The following TTC7A variants were observed in gnomAD, a reference collection of about 807,000 sequenced individuals.
TTC7A encodes the protein tetratricopeptide repeat domain 7A, also known as tetratricopeptide repeat protein 7A.
Under a neutral mutation model 103.7 loss-of-function variants are expected in TTC7A, and 110 were observed. The observed-to-expected ratio is 1.06, with a 90% CI of 0.91 to 1.24. The LOEUF (loss-of-function observed/expected upper bound fraction) is 1.24, where lower values mean the gene tolerates loss of function less well. TTC7A is among the 50% of genes most tolerant of loss of function. TTC7A has a pLI of 0.00. For synonymous variants in TTC7A, 521 were observed against 467.9 expected, an observed-to-expected ratio of 1.11 and a Z score of -1.47; for missense variants, 1,340 against 1,116.3, an observed-to-expected ratio of 1.20 and a Z score of -2.86.
intron 15 of TTC7A, chr2:47,035,634 G>T (rs1162712002): frequency 2.0e-5 from 3 of 152,260 alleles, no homozygotes; most frequent in Non-Finnish European, 4.4e-5. Context: ...GTCTGGGGAA[G>T]AGAGGAAAGA....
chr2:47,006,060 G>C lies in TTC7A; in HGVS notation c.1203+1G>C. 6.2e-7 allele frequency: 1 copy of C among 1,612,526 alleles called. No homozygotes were observed. Among genetic ancestry groups the C allele is most frequent in the Non-Finnish European group, 8.5e-7 (1 of 1,179,436 alleles). On this transcript the variant is annotated splice_donor_variant, in intron 9 of 19. Transcript: ENST00000319190. LOFTEE classifies it high-confidence loss of function. ...GGGACAGTACGTCATGCTCTCGGAGGTACGGCCGGCCATGCAGCCCACCCC... is the reference window on the plus strand; with the variant it reads ...GGGACAGTACGTCATGCTCTCGGAGCTACGGCCGGCCATGCAGCCCACCCC...
intron 8 of TTC7A, among the ~76,000 whole-genome samples, chr2:46,998,268 T>G (rs1233615466): frequency 1.3e-5 from 2 of 152,158 alleles, no homozygotes; most frequent in African/African-American, 4.8e-5. Flanking sequence ...GGCAATGAAC[T>G]TAGTTTTAGT....
At chr2:46,998,800 C>T (rs1373079874) in intron 8 of TTC7A, among the ~76,000 whole-genome samples, 1 of 152,130 alleles carries the variant, frequency 6.6e-6, no homozygotes, top group East Asian at 1.9e-4. Flanking sequence ...TGGTGTGGGG[C>T]TGCTACCTTG....
chr2:47,042,457 A>T lies in TTC7A; in HGVS notation c.1803-3858A>T, dbSNP rs2104677258. Among the ~76,000 whole-genome samples the T allele has an allele frequency of 2.0e-5, 3 of 152,306 alleles. No individual in the cohort carries two copies. In the South Asian group the frequency reaches 6.2e-4, roughly 32 times the overall value. ...ATCGAGGCTGCAATGAGCTATGATCACGTCACTGCACTCTGCCTGGGCAGC... is the reference window on the plus strand; with the variant it reads ...ATCGAGGCTGCAATGAGCTATGATCTCGTCACTGCACTCTGCCTGGGCAGC... On this transcript the variant is annotated intron_variant, in intron 15 of 19. Transcript: ENST00000319190.
At chr2:46,994,643 C>T (rs1675977687) in intron 7 of TTC7A, 129 bp downstream of exon 7, 2 of 932,486 alleles carry the variant, frequency 2.1e-6, no homozygotes, top group South Asian at 3.2e-5. Flanking sequence ...CAGCCAGCCT[C>T]CTCAGTCTCA....
At chr2:47,047,195 G>C (rs1682412287) in intron 16 of TTC7A, 6 of 841,372 alleles carry the variant, frequency 7.1e-6, no homozygotes, top group Non-Finnish European at 1.1e-5. Context: ...TCCTTCTTTG[G>C]GATAGCTGGC....
chr2:46,927,115 G>C (rs1284522999), intron 2 of TTC7A, among the ~76,000 whole-genome samples: 1 of 152,112 alleles, frequency 6.6e-6, no homozygotes, highest in East Asian at 1.9e-4. Context: ...AGAGAATTCA[G>C]TGAGGTCTTA....
At chr2:47,022,696 G>T (rs961101340) in intron 12 of TTC7A, among the ~76,000 whole-genome samples, 2 of 152,124 alleles carry the variant, frequency 1.3e-5, no homozygotes, top group Non-Finnish European at 2.9e-5. Flanking sequence ...CGGTGACATC[G>T]GGTATAAATG....
Position 47,075,033 on chromosome 2 carries a change from C to T in TTC7A, c.*1110C>T, listed in dbSNP as rs1261371924. 1 of 152,270 alleles carries T rather than the reference C, an allele frequency of 6.6e-6. No individual in the cohort carries two copies. Among genetic ancestry groups the T allele is most frequent in the African/African-American group, 2.4e-5 (1 of 41,458 alleles). 9.4% of individuals were successfully genotyped at this position (152,270 alleles called of 1,614,324 possible). On this transcript the variant is annotated 3_prime_UTR_variant, in exon 20 of 20. Transcript: ENST00000319190. Reference sequence around the variant, plus strand: ...TTGGGTTTTAGTTTCAAAGCTCCATCAGGTACAGCTTGCATTTCAGGATGT... The same window carrying T: ...TTGGGTTTTAGTTTCAAAGCTCCATTAGGTACAGCTTGCATTTCAGGATGT...
chr2:47,037,731 A>G (rs1461261563), intron 15 of TTC7A, among the ~76,000 whole-genome samples: 7 of 152,144 alleles, frequency 4.6e-5, no homozygotes, highest in Non-Finnish European at 1.5e-5. Flanking sequence ...CCTAAGAGGG[A>G]TAGAAACTCA....
intron 5 of TTC7A, among the ~76,000 whole-genome samples, chr2:46,979,967 T>A (rs969716727): frequency 6.6e-6 from 1 of 152,146 alleles, no homozygotes; most frequent in Non-Finnish European, 1.5e-5. Flanking sequence ...TGGCCATGGG[T>A]CAGGCCCAGT....
chr2:46,982,260 G>A (rs757144207), intron 5 of TTC7A, among the ~76,000 whole-genome samples: 1 of 152,182 alleles, frequency 6.6e-6, no homozygotes, highest in Non-Finnish European at 1.5e-5. Context: ...TGTAGTCTCA[G>A]CTACTTGGGA....
At chr2:46,935,219 GT>G (rs1669917983) in intron 2 of TTC7A, among the ~76,000 whole-genome samples, 1 of 152,120 alleles carries the variant, frequency 6.6e-6, no homozygotes, top group South Asian at 2.1e-4. Flanking sequence ...TCAGGCGTGT[GT>G]GGAGGAACAG....
At chr2:47,028,069 G>A (rs1188182555) in intron 14 of TTC7A, among the ~76,000 whole-genome samples, 4 of 152,160 alleles carry the variant, frequency 2.6e-5, no homozygotes, top group African/African-American at 9.7e-5. Flanking sequence ...GGCAAGGAGA[G>A]GGGCCTCGGG....
intron 3 of TTC7A, chr2:46,958,570 G>C (rs1672099326): frequency 1.5e-6 from 2 of 1,300,096 alleles, no homozygotes; most frequent in African/African-American, 3.0e-5. Flanking sequence ...GACGGGCGCT[G>C]CCGGCGCGGG....
chr2:47,000,842 T>G (rs1371918194), intron 8 of TTC7A, among the ~76,000 whole-genome samples: 1 of 152,126 alleles, frequency 6.6e-6, no homozygotes, highest in Non-Finnish European at 1.5e-5. Context: ...GAGCATGTTC[T>G]TTGCAGAGAA....
intron 15 of TTC7A, among the ~76,000 whole-genome samples, chr2:47,043,225 C>A (rs1558619319): frequency 6.6e-6 from 1 of 152,140 alleles, no homozygotes; most frequent in African/African-American, 2.4e-5. Flanking sequence ...GTTTGCTGAT[C>A]CCTGTTGGAA....
At chr2:46,994,311 A>G (rs748016592) in intron 6 of TTC7A, 46 bp from the exon 7 acceptor site, 124 of 1,543,232 alleles carry the variant, frequency 8.0e-5, no homozygotes, top group Non-Finnish European at 1.1e-4. Context: ...ATGCTGGGGT[A>G]GAGCTGACAA....
chr2:47,032,140 G>C (rs953616021), intron 15 of TTC7A, among the ~76,000 whole-genome samples: 1 of 152,246 alleles, frequency 6.6e-6, no homozygotes, highest in Admixed American at 6.5e-5. Flanking sequence ...GTTGGTCAGG[G>C]GCTGCCTTGA....
Sources: gnomAD v4.1 joint callset for allele counts (sites outside exome capture counted in the v4.1 genomes callset) on GRCh38, gnomAD v4.1.1 for gene constraint, MANE v1.5 for transcripts, NCBI Gene and HGNC (gene_info 2026-07-23, HGNC 2026-07-21) for gene names.